MYBL1: variants seen among roughly 807,000 people sequenced by gnomAD.
The protein encoded by MYBL1 is myb-related protein A.
A neutral mutation model predicts 96.3 loss-of-function variants in MYBL1; 17 were observed. The ratio of observed to expected loss-of-function variants is 0.18; its 90% CI spans 0.12 to 0.26. The LOEUF (loss-of-function observed/expected upper bound fraction) is 0.26, where lower values mean the gene tolerates loss of function less well. MYBL1 is among the 10% of genes least tolerant of loss of function. The pLI is 1.00. For synonymous variants in MYBL1, 282 were observed against 292.7 expected (o/e 0.96, Z 0.37); for missense variants, 701 against 882.9 (o/e 0.79, Z 2.61).
rs61729530 is a variant in MYBL1, at chr8:66,566,196, T to G, written c.1998A>C (p.Glu666Asp). 18,540 of 1,515,294 alleles carry G rather than the reference T, an allele frequency of 0.012. 162 individuals carry two copies. The highest frequency in any genetic ancestry group is 0.014 in the Non-Finnish European group (15,598 of 1,113,662). 93.9% of individuals were successfully genotyped at this position (1,515,294 alleles called of 1,614,324 possible). A position where few individuals can be genotyped will look rare whatever the true frequency, so the allele number is the denominator to read the frequency against. Residue 666 changes from glutamate to aspartate, a missense_variant, in exon 15 of 16, where the codon GAA (glutamate) becomes GAC (aspartate). Physicochemically the swap from Glu to Asp is conservative, Grantham distance 45. Coordinates refer to ENST00000522677, the MANE Select transcript of MYBL1 (RefSeq NM_001080416.4). ...TTSLLMIPLLEIHDNRCNLIP... is the reference protein window; with the variant it reads ...TTSLLMIPLLDIHDNRCNLIP... Reference sequence around the variant, plus strand: ...TCAAGTTGCACCTATTGTCATGTATTTCCAATAATGGTATCATTAATAAGG... The same window carrying G: ...TCAAGTTGCACCTATTGTCATGTATGTCCAATAATGGTATCATTAATAAGG...
intron 3 of MYBL1, among the ~76,000 whole-genome samples, chr8:66,601,291 GTTTTTAAAATCAAC>G (rs1810063649): frequency 2.7e-5 from 4 of 148,672 alleles, no homozygotes. Flanking sequence ...AGGCATAATA[GTTTTTAAAATCAAC>G]ATTTTAAAAG....
chr8:66,612,777 G>A lies in MYBL1; in HGVS notation c.20+42C>T. On this transcript the variant is annotated intron_variant, in intron 1 of 15. Transcript: ENST00000522677. Reference sequence around the variant, plus strand: ...CGGGATAGGAAAGAGAATCTGAGCCGAGACGGCGCCGACAGGCCTGGGCGA... The same window carrying A: ...CGGGATAGGAAAGAGAATCTGAGCCAAGACGGCGCCGACAGGCCTGGGCGA... 4 of 1,348,076 alleles carry A rather than the reference G, an allele frequency of 3.0e-6. No individual in the cohort carries two copies. The East Asian group carries it at 8.3e-5, about 28-fold the overall frequency. 83.5% of individuals were successfully genotyped at this position (1,348,076 alleles called of 1,614,324 possible).
chr8:66,601,177 CAAAAAAAAAAAAA>C (rs1167336780), intron 3 of MYBL1, among the ~76,000 whole-genome samples: 3 of 13,900 alleles, frequency 2.2e-4, no homozygotes, highest in South Asian at 2.2e-3. Flanking sequence ...AACTCCGTCT[CAAAAAAAAAAAAA>C]AAAAAAAAAA....
chr8:66,564,635 G>T lies in MYBL1; in HGVS notation c.*62C>A. ...ACAACTAATTGAGAAAAATTTCACTGCAACCTAATTTAGTAGAGACTGCAG... is the reference window on the plus strand; with the variant it reads ...ACAACTAATTGAGAAAAATTTCACTTCAACCTAATTTAGTAGAGACTGCAG... On this transcript the variant is annotated 3_prime_UTR_variant, in exon 16 of 16. Transcript: ENST00000522677. 3.7e-6 allele frequency: 5 copies of T among 1,360,910 alleles called. No individual in the cohort carries two copies. Among genetic ancestry groups the T allele is most frequent in the Non-Finnish European group, 4.9e-6 (5 of 1,022,002 alleles). The allele number at this position is 1,360,910 out of a possible 1,614,324, so 84.3% of individuals were successfully genotyped here.
intron 1 of MYBL1, among the ~76,000 whole-genome samples, chr8:66,604,926 T>C (rs148839909): frequency 1.3e-3 from 192 of 152,230 alleles, no homozygotes; most frequent in Middle Eastern, 3.4e-3. Flanking sequence ...AGAGTATGTA[T>C]AGTTTGGGAC....
At chr8:66,608,061 G>A (rs1196982436) in intron 1 of MYBL1, among the ~76,000 whole-genome samples, 2 of 152,076 alleles carry the variant, frequency 1.3e-5, no homozygotes, top group African/African-American at 4.8e-5. Context: ...TTAATCATAC[G>A]AAACCCACTT....
chr8:66,603,511 G>T (rs1232818696), intron 1 of MYBL1, among the ~76,000 whole-genome samples: 1 of 150,696 alleles, frequency 6.6e-6, no homozygotes, highest in African/African-American at 2.4e-5. Context: ...TTCCAGACAG[G>T]GTCTCAGCTT....
chr8:66,575,944 T>G, intron 10 of MYBL1, 63 bp downstream of exon 10: 1 of 1,512,684 alleles, frequency 6.6e-7, no homozygotes. Flanking sequence ...GTAAGGATGT[T>G]AAAGATCTAA....
At chr8:66,606,328 G>C (rs868347068) in intron 1 of MYBL1, among the ~76,000 whole-genome samples, 1 of 152,266 alleles carries the variant, frequency 6.6e-6, no homozygotes, top group Admixed American at 6.5e-5. Flanking sequence ...ACAGAAAGGT[G>C]CCTCAATATT....
chr8:66,606,160 T>C (rs1810305187), intron 1 of MYBL1, among the ~76,000 whole-genome samples: 1 of 152,236 alleles, frequency 6.6e-6, no homozygotes, highest in South Asian at 2.1e-4. Flanking sequence ...GTTCTGGTTC[T>C]AACTTAATTA....
chr8:66,583,305 C>T (rs1489264946), intron 8 of MYBL1, among the ~76,000 whole-genome samples: 1 of 151,906 alleles, frequency 6.6e-6, no homozygotes, highest in East Asian at 1.9e-4. Context: ...AAAGTAGAAA[C>T]AAACATACCA....
In MYBL1 at chr8:66,593,164, C is replaced by T. The variant is rs1809717262; in HGVS notation, c.718G>A (p.Gly240Ser). The change falls in exon 7 of 16, where the codon GGC becomes AGC. Residue 240 changes from glycine to serine, a missense_variant. Coordinates refer to ENST00000522677, the MANE Select transcript of MYBL1 (RefSeq NM_001080416.4). ...GGCTGAACATGTTCTATACAATTGC[C>T]TTCAGGTGACACATACTGATACCCA... ...IPGYQYVSPE[G>S]NCIEHVQPTS... 6.3e-7 allele frequency: 1 copy of T among 1,587,834 alleles called. No individual in the cohort carries two copies. The highest frequency in any genetic ancestry group is 8.6e-7 in the Non-Finnish European group (1 of 1,164,632).
intron 9 of MYBL1, among the ~76,000 whole-genome samples, chr8:66,577,882 T>G (rs1809031455): frequency 1.3e-5 from 2 of 152,232 alleles, no homozygotes; most frequent in Admixed American, 6.5e-5. Flanking sequence ...AAAACAGAGA[T>G]ATAGATCAAT....
chr8:66,594,191 T>C (rs1809764043), intron 6 of MYBL1, among the ~76,000 whole-genome samples: 1 of 152,036 alleles, frequency 6.6e-6, no homozygotes, highest in South Asian at 2.1e-4. Flanking sequence ...ATTGTCTGCT[T>C]TCCGTAATGG....
Position 66,580,282 on chromosome 8 carries a change from T to C in MYBL1, c.952A>G (p.Thr318Ala), listed in dbSNP as rs1809151266. Residue 318 changes from threonine to alanine, a missense_variant, in exon 9 of 16, where the codon ACT (threonine) becomes GCT (alanine). Around this residue, in one of 5 missense-constraint regions of MYBL1, gnomAD observed 396 missense variants for 407.4 expected, o/e 0.97. Transcript: ENST00000522677. ...TCATCCATACTGTAAAACTCACTAG[T>C]GTGCTCGTCAAGGCTATTTAGAGTA... ...SNTLNSLDEH[T>A]SEFYSMDENQ... 1.9e-6 allele frequency: 3 copies of C among 1,613,738 alleles called. No homozygotes were observed. Among genetic ancestry groups the C allele is most frequent in the African/African-American group, 1.3e-5 (1 of 74,922 alleles).
intron 12 of MYBL1, among the ~76,000 whole-genome samples, chr8:66,571,588 G>C (rs1485354239): frequency 6.6e-6 from 1 of 152,116 alleles, no homozygotes; most frequent in African/African-American, 2.4e-5. Context: ...TCAGTATTAA[G>C]AAAAGTGTTC....
intron 8 of MYBL1, among the ~76,000 whole-genome samples, chr8:66,586,627 C>T (rs535839367): frequency 6.6e-6 from 1 of 152,202 alleles, no homozygotes; most frequent in South Asian, 2.1e-4. Flanking sequence ...GGAGGCTCTT[C>T]AAAAAACTAA....
At chr8:66,608,741 C>A (rs1403854918) in intron 1 of MYBL1, among the ~76,000 whole-genome samples, 1 of 152,062 alleles carries the variant, frequency 6.6e-6, no homozygotes, top group Non-Finnish European at 1.5e-5. Flanking sequence ...ACAATCAATG[C>A]TGGTAATATG....
intron 1 of MYBL1, among the ~76,000 whole-genome samples, chr8:66,607,461 A>C (rs555309005): frequency 2.6e-5 from 4 of 152,318 alleles, no homozygotes; most frequent in Middle Eastern, 3.4e-3. Context: ...AACTAAGCAC[A>C]GTACCTGCCA....
Sources: allele counts gnomAD v4.1 joint callset (sites outside exome capture counted in the v4.1 genomes callset), GRCh38; gene constraint gnomAD v4.1.1; regional missense constraint gnomAD v4.1.1; transcripts MANE v1.5; gene names NCBI Gene and HGNC (gene_info 2026-07-23, HGNC 2026-07-21).